The following TENM3 variants were observed in gnomAD, a reference collection of about 807,000 sequenced individuals.
TENM3 encodes teneurin transmembrane protein 3.
Under a neutral mutation model 255.1 loss-of-function variants are expected in TENM3, and 63 were observed. The observed-to-expected ratio is 0.25, with a 90% CI of 0.20 to 0.30. The LOEUF is 0.30. TENM3 is among the 10% of genes least tolerant of loss of function. TENM3 has a pLI of 1.00. For synonymous variants in TENM3, 1,306 were observed against 1,322.3 expected (o/e 0.99, Z 0.27); for missense variants, 2,929 against 3,461.1 (o/e 0.85, Z 3.86).
the TENM3 span, among the ~76,000 whole-genome samples, chr4:181,501,442 G>A: frequency 3.3e-5 from 5 of 151,212 alleles, no homozygotes; most frequent in East Asian, 1.9e-4. Context: ...GCAGTGGTGC[G>A]ATCTCAGCTC....
At chr4:181,726,617 G>C in the TENM3 span, among the ~76,000 whole-genome samples, 1 of 152,164 alleles carries the variant, frequency 6.6e-6, no homozygotes, top group Non-Finnish European at 1.5e-5. Flanking sequence ...AATCAACACA[G>C]AATACTTCTG....
chr4:182,406,814 C>T (rs1195275481), intron 3 of TENM3, among the ~76,000 whole-genome samples: 1 of 152,114 alleles, frequency 6.6e-6, no homozygotes, highest in Non-Finnish European at 1.5e-5. Flanking sequence ...TGATTTTTAC[C>T]TCCATTTCCA....
intron 3 of TENM3, among the ~76,000 whole-genome samples, chr4:182,472,024 AT>A (rs1733174676): frequency 6.6e-6 from 1 of 152,084 alleles, no homozygotes; most frequent in African/African-American, 2.4e-5. Flanking sequence ...CTAGGGGGAA[AT>A]TTGTTGAGTG....
chr4:181,884,467 C>T, the TENM3 span, among the ~76,000 whole-genome samples: 1 of 152,130 alleles, frequency 6.6e-6, no homozygotes, highest in African/African-American at 2.4e-5. Context: ...CCCATTCTCA[C>T]TGTCCGCAGT....
intron 1 of TENM3, among the ~76,000 whole-genome samples, chr4:182,258,434 C>T (rs1016180834): frequency 2.0e-5 from 3 of 152,104 alleles, no homozygotes; most frequent in African/African-American, 7.2e-5. Flanking sequence ...AGAACAATGT[C>T]AGTACATACA....
the TENM3 span, among the ~76,000 whole-genome samples, chr4:182,027,463 T>G: frequency 6.6e-6 from 1 of 152,138 alleles, no homozygotes; most frequent in Non-Finnish European, 1.5e-5. Context: ...ATGCCCTTTT[T>G]TTTCCTCTTG....
chr4:181,538,149 TAATA>T, the TENM3 span, among the ~76,000 whole-genome samples: 604 of 152,282 alleles, frequency 4.0e-3, 12 homozygotes, highest in Non-Finnish European at 5.0e-3. Context: ...TTTCCAATAT[TAATA>T]AAAATAATAT....
the TENM3 span, among the ~76,000 whole-genome samples, chr4:181,672,452 A>C: frequency 6.6e-6 from 1 of 152,164 alleles, no homozygotes; most frequent in African/African-American, 2.4e-5. Context: ...ATCTCATTTA[A>C]ACCCACTTAG....
At chr4:182,117,731 C>G in the TENM3 span, among the ~76,000 whole-genome samples, 1 of 152,178 alleles carries the variant, frequency 6.6e-6, no homozygotes, top group African/African-American at 2.4e-5. Flanking sequence ...TGAATAGCAT[C>G]AGTCCTCTGA....
intron 3 of TENM3, among the ~76,000 whole-genome samples, chr4:182,352,996 T>C (rs751752427): frequency 1.3e-5 from 2 of 152,298 alleles, no homozygotes; most frequent in Admixed American, 6.5e-5. Context: ...CCAGTGCTGA[T>C]CAAATTCTAG....
chr4:181,564,118 G>A, the TENM3 span, among the ~76,000 whole-genome samples: 1 of 139,970 alleles, frequency 7.1e-6, no homozygotes, highest in South Asian at 2.3e-4. Context: ...TCAGCTCACT[G>A]CAACCTCTGC....
At chr4:181,470,428 T>G in the TENM3 span, among the ~76,000 whole-genome samples, 1 of 152,168 alleles carries the variant, frequency 6.6e-6, no homozygotes, top group Admixed American at 6.5e-5. Flanking sequence ...TGTAAAGTAC[T>G]ATTTTTCTGT....
intron 1 of TENM3, among the ~76,000 whole-genome samples, chr4:182,283,847 C>A (rs1760557942): frequency 6.6e-6 from 1 of 152,048 alleles, no homozygotes; most frequent in Non-Finnish European, 1.5e-5. Context: ...TCTTCGATTT[C>A]TGACATTTTT....
chr4:181,623,386 C>T, the TENM3 span, among the ~76,000 whole-genome samples: 3 of 152,228 alleles, frequency 2.0e-5, no homozygotes, highest in African/African-American at 7.2e-5. Flanking sequence ...AACAGGCTTA[C>T]TTCACAGGAC....
intron 22 of TENM3, among the ~76,000 whole-genome samples, chr4:182,764,814 G>T (rs1391566671): frequency 6.6e-6 from 1 of 152,170 alleles, no homozygotes; most frequent in Non-Finnish European, 1.5e-5. Context: ...GCGGGACTCT[G>T]TTCAAGGAGT....
chr4:181,695,916 G>T, the TENM3 span, among the ~76,000 whole-genome samples: 5 of 151,590 alleles, frequency 3.3e-5, no homozygotes, highest in Admixed American at 6.6e-5. Context: ...GTGCTTTCTA[G>T]AGGAAAGACT....
At chr4:182,320,152 T>G (rs1762963414) in intron 1 of TENM3, among the ~76,000 whole-genome samples, 1 of 152,108 alleles carries the variant, frequency 6.6e-6, no homozygotes, top group Non-Finnish European at 1.5e-5. Context: ...GACGGATGGT[T>G]TAACTCAGAG....
At chr4:181,944,921 G>C in the TENM3 span, among the ~76,000 whole-genome samples, 1 of 151,938 alleles carries the variant, frequency 6.6e-6, no homozygotes, top group Non-Finnish European at 1.5e-5. Flanking sequence ...ATTCCACGGA[G>C]CCCTCCACTT....
At chr4:182,064,367 AG>A in the TENM3 span, among the ~76,000 whole-genome samples, 12 of 152,086 alleles carry the variant, frequency 7.9e-5, no homozygotes, top group Non-Finnish European at 1.2e-4. Context: ...TCACGAGGTC[AG>A]GAGATCCAGA....
Sources: allele counts gnomAD v4.1 joint callset (sites outside exome capture counted in the v4.1 genomes callset), GRCh38; gene constraint gnomAD v4.1.1; transcripts MANE v1.5; gene names NCBI Gene and HGNC (gene_info 2026-07-23, HGNC 2026-07-21).